The following CCDC60 variants were observed in gnomAD, a reference collection of about 807,000 sequenced individuals.
CCDC60 encodes coiled-coil domain-containing protein 60.
A neutral mutation model predicts 63.5 loss-of-function variants in CCDC60; 54 were observed. The ratio of observed to expected loss-of-function variants is 0.85; its 90% CI spans 0.68 to 1.07. The LOEUF is 1.07. Ranked by LOEUF, CCDC60 falls within the 50% of genes least tolerant of loss-of-function variation. The pLI, the probability that CCDC60 is intolerant of heterozygous loss-of-function variation, is 0.00. For missense variants in CCDC60, 651 were observed against 684.3 expected (o/e 0.95, Z 0.54); for synonymous variants, 206 against 238.8 (o/e 0.86, Z 1.27).
At chr12:119,511,379 G>A (rs1476820928) in intron 7 of CCDC60, among the ~76,000 whole-genome samples, 1 of 152,188 alleles carries the variant, frequency 6.6e-6, no homozygotes, top group Non-Finnish European at 1.5e-5. Flanking sequence ...CCTCTATGGG[G>A]AATGATCCCC....
Position 119,518,460 on chromosome 12 carries a change from C to T in CCDC60, c.969-1661C>T, listed in dbSNP as rs531940264. Among the ~76,000 whole-genome samples, 48 of 152,210 alleles carry T rather than the reference C, an allele frequency of 3.2e-4. 1 individual carries two copies. In the South Asian group the frequency reaches 7.1e-3, roughly 22 times the overall value. ...AGGCTCCATGGCCATGACTAATTGC[C>T]GGGTTATGTTGGGCAAGTTGCTTCA... On this transcript the variant is annotated intron_variant, in intron 8 of 13. Coordinates refer to ENST00000327554, the MANE Select transcript of CCDC60 (RefSeq NM_178499.5).
chr12:119,530,668 A>T (rs529159855), intron 12 of CCDC60, among the ~76,000 whole-genome samples: 1 of 152,318 alleles, frequency 6.6e-6, no homozygotes, highest in East Asian at 1.9e-4. Context: ...TTTTTTAATG[A>T]AATGCAAGTC....
At position 119,488,802 on chromosome 12, in the gene CCDC60, G is replaced by A. The variant is rs755052207; in HGVS notation, c.493G>A (p.Glu165Lys). The A allele has an allele frequency of 6.2e-7, 1 of 1,614,144 alleles. No individual in the cohort carries two copies. Among genetic ancestry groups the A allele is most frequent in the Non-Finnish European group, 8.5e-7 (1 of 1,180,026 alleles). Residue 165 changes from glutamate (E) to lysine (K), a missense_variant, in exon 5 of 14, where the codon GAG (glutamate) becomes AAG (lysine). Coordinates refer to ENST00000327554, the MANE Select transcript of CCDC60 (RefSeq NM_178499.5). Reference sequence around the variant, plus strand: ...GCTCTGTGCTCTCCACTGGCTTCTGGAGGCCCTGACTATTGACCACACCCA... The same window carrying A: ...GCTCTGTGCTCTCCACTGGCTTCTGAAGGCCCTGACTATTGACCACACCCA... ...RQLCALHWLL[E>K]ALTIDHTHHT... is the part of the protein sequence containing the mutation.
chr12:119,343,591 G>A (rs1955554328), intron 1 of CCDC60, among the ~76,000 whole-genome samples: 1 of 151,628 alleles, frequency 6.6e-6, no homozygotes, highest in African/African-American at 2.4e-5. Context: ...CCACAGTGCT[G>A]TTGGAAAGAA....
At position 119,378,005 on chromosome 12, in the gene CCDC60, A is replaced by G. The variant is rs4238063; in HGVS notation, c.90+42739A>G. Among the ~76,000 whole-genome samples, 184 of 152,212 alleles carry G rather than the reference A, an allele frequency of 1.2e-3. 1 individual carries two copies. The highest frequency in any genetic ancestry group is 3.4e-3 in the Middle Eastern group (1 of 294). On this transcript the variant is annotated intron_variant, in intron 1 of 13. Coordinates refer to ENST00000327554, the MANE Select transcript of CCDC60 (RefSeq NM_178499.5). Reference sequence around the variant, plus strand: ...TTCTTGCAGAGAGAGAGGAGCTCCCAAGTGGGACTTCCAGCTCCATGGTGA... The same window carrying G: ...TTCTTGCAGAGAGAGAGGAGCTCCCGAGTGGGACTTCCAGCTCCATGGTGA...
intron 1 of CCDC60, among the ~76,000 whole-genome samples, chr12:119,361,558 G>A (rs751864872): frequency 1.1e-4 from 17 of 152,126 alleles, no homozygotes; most frequent in Non-Finnish European, 2.2e-4. Flanking sequence ...AAACATCAAG[G>A]GTCGCAAAAG....
At chr12:119,458,042 T>A (rs1340961737) in intron 2 of CCDC60, among the ~76,000 whole-genome samples, 1 of 152,182 alleles carries the variant, frequency 6.6e-6, no homozygotes, top group Non-Finnish European at 1.5e-5. Flanking sequence ...GTGTTTCAGA[T>A]CCCTTCATTC....
At chr12:119,510,985 A>C (rs1952202474) in intron 7 of CCDC60, among the ~76,000 whole-genome samples, 8 of 152,206 alleles carry the variant, frequency 5.3e-5, no homozygotes, top group Admixed American at 4.6e-4. Flanking sequence ...ATCACAGTTC[A>C]ATTACTAAGA....
chr12:119,440,431 G>A (rs1950420530), intron 2 of CCDC60, among the ~76,000 whole-genome samples: 1 of 152,164 alleles, frequency 6.6e-6, no homozygotes, highest in Non-Finnish European at 1.5e-5. Flanking sequence ...TTGGGAGGCT[G>A]AGGCAGGAGA....
chr12:119,501,003 A>T (rs1373698040), intron 6 of CCDC60, among the ~76,000 whole-genome samples: 1 of 152,252 alleles, frequency 6.6e-6, no homozygotes, highest in Non-Finnish European at 1.5e-5. Flanking sequence ...TCATCTACTC[A>T]ATAAACAAGC....
intron 1 of CCDC60, among the ~76,000 whole-genome samples, chr12:119,396,600 C>T (rs966349152): frequency 6.6e-6 from 1 of 152,084 alleles, no homozygotes; most frequent in Non-Finnish European, 1.5e-5. Context: ...TCAAATTGGG[C>T]CAGACACAGG....
intron 5 of CCDC60, among the ~76,000 whole-genome samples, chr12:119,498,987 A>G (rs554997100): frequency 1.3e-5 from 2 of 152,308 alleles, no homozygotes; most frequent in South Asian, 4.1e-4. Context: ...TGGCAGCAAA[A>G]TTGGACTTGA....
chr12:119,411,267 TC>T (rs1956594776), intron 1 of CCDC60, among the ~76,000 whole-genome samples: 1 of 152,138 alleles, frequency 6.6e-6, no homozygotes, highest in Non-Finnish European at 1.5e-5. Context: ...AAGACATTTT[TC>T]CCCCAGGTAT....
intron 1 of CCDC60, among the ~76,000 whole-genome samples, chr12:119,363,274 G>C (rs936063843): frequency 6.6e-6 from 1 of 152,118 alleles, no homozygotes; most frequent in African/African-American, 2.4e-5. Flanking sequence ...TTTTCCTGAT[G>C]AGTAATGATA....
At chr12:119,478,949 A>T (rs1951239408) in intron 3 of CCDC60, 145 bp from the exon 4 acceptor site, 1 of 664,004 alleles carries the variant, frequency 1.5e-6, no homozygotes, top group Non-Finnish European at 2.7e-6. Flanking sequence ...CTGCATCTGA[A>T]ACCCTCATCC....
At chr12:119,392,349 C>T (rs933201416) in intron 1 of CCDC60, among the ~76,000 whole-genome samples, 1 of 152,240 alleles carries the variant, frequency 6.6e-6, no homozygotes, top group Non-Finnish European at 1.5e-5. Flanking sequence ...CACAGCTCCA[C>T]TCTCTTCACC....
chr12:119,414,427 A>G (rs565322680), intron 1 of CCDC60, among the ~76,000 whole-genome samples: 16 of 152,376 alleles, frequency 1.1e-4, no homozygotes, highest in South Asian at 2.1e-4. Context: ...GAAGGATTTA[A>G]GAAAGAAAAT....
chr12:119,379,897 G>T (rs1955990983), intron 1 of CCDC60, among the ~76,000 whole-genome samples: 2 of 152,200 alleles, frequency 1.3e-5, no homozygotes, highest in Admixed American at 6.5e-5. Context: ...AAATGCAGAT[G>T]TTAATTAAAT....
At chr12:119,450,884 G>A (rs1489524321) in intron 2 of CCDC60, among the ~76,000 whole-genome samples, 1 of 150,270 alleles carries the variant, frequency 6.7e-6, no homozygotes, top group Non-Finnish European at 1.5e-5. Flanking sequence ...GAGAGAGAGA[G>A]AGATAAGACA....
Sources: gnomAD v4.1 joint callset for allele counts (sites outside exome capture counted in the v4.1 genomes callset) on GRCh38, gnomAD v4.1.1 for gene constraint, MANE v1.5 for transcripts, NCBI Gene and HGNC (gene_info 2026-07-23, HGNC 2026-07-21) for gene names.